USP15: variants seen among roughly 807,000 people sequenced by gnomAD.
USP15 encodes ubiquitin carboxyl-terminal hydrolase 15.
A neutral mutation model predicts 127.1 loss-of-function variants in USP15; 18 were observed. The ratio of observed to expected loss-of-function variants is 0.14; its 90% confidence interval spans 0.10 to 0.21. USP15 has a LOEUF of 0.21. Among genes scored for constraint, USP15 ranks in the 10% least tolerant of loss-of-function variants. The pLI, the probability that USP15 is intolerant of heterozygous loss-of-function variation, is 1.00. For synonymous variants in USP15, 364 were observed against 393.7 expected, an observed-to-expected ratio of 0.92 and a Z score of 0.89; for missense variants, 805 against 1,159.9, an observed-to-expected ratio of 0.69 and a Z score of 4.44.
At chr12:62,326,265 ATTTC>A (rs892975130) in intron 6 of USP15, among the ~76,000 whole-genome samples, 1 of 152,184 alleles carries the variant, frequency 6.6e-6, no homozygotes, top group Non-Finnish European at 1.5e-5. Context: ...ATCTTAAAAT[ATTTC>A]TTTATCAAAA....
rs909424353 is a variant in USP15 at position 62,414,952 on chromosome 12, C to G, written c.*10577C>G. On this transcript the variant is annotated 3_prime_UTR_variant, in exon 22 of 22. Coordinates refer to ENST00000280377, the MANE Select transcript of USP15 (RefSeq NM_001252078.2). The stretch of plus-strand genomic sequence containing the variant: ...TACACATATATGTATAGCTCTCTCC[C>G]TCATATATACACATATCATGTATAT... 3.9e-5 allele frequency: 5 copies of G among 127,178 alleles called. No individual in the cohort carries two copies. Among genetic ancestry groups the G allele is most frequent in the African/African-American group, 1.6e-4 (5 of 30,920 alleles). 7.9% of individuals were successfully genotyped at this position (127,178 alleles called of 1,614,324 possible).
intron 1 of USP15, among the ~76,000 whole-genome samples, chr12:62,278,203 G>A (rs2063547331): frequency 6.6e-6 from 1 of 152,074 alleles, no homozygotes; most frequent in South Asian, 2.1e-4. Flanking sequence ...TGTCCCATTG[G>A]AAGGTCTTCA....
chr12:62,335,706 A>T (rs749192760), intron 6 of USP15: 28 of 985,472 alleles, frequency 2.8e-5, no homozygotes, highest in Non-Finnish European at 3.4e-5. Context: ...TACCATCCTT[A>T]AGCTTTTTTT....
intron 8 of USP15, among the ~76,000 whole-genome samples, chr12:62,372,919 C>T (rs2066719999): frequency 6.6e-6 from 1 of 151,954 alleles, no homozygotes; most frequent in African/African-American, 2.4e-5. Flanking sequence ...TAGCATACTT[C>T]CCATAAAGTG....
At chr12:62,280,621 C>G (rs1199990153) in intron 1 of USP15, among the ~76,000 whole-genome samples, 2 of 152,154 alleles carry the variant, frequency 1.3e-5, no homozygotes, top group African/African-American at 4.8e-5. Context: ...ATGATCTAAT[C>G]ACCTCCTAAT....
chr12:62,309,721 T>A (rs2064599510), intron 3 of USP15, among the ~76,000 whole-genome samples: 2 of 151,984 alleles, frequency 1.3e-5, no homozygotes, highest in African/African-American at 4.8e-5. Context: ...AGGTGGATAT[T>A]TTTCAAAGAA....
chr12:62,283,021 AC>A (rs2063695250), intron 1 of USP15, among the ~76,000 whole-genome samples: 1 of 152,220 alleles, frequency 6.6e-6, no homozygotes, highest in Non-Finnish European at 1.5e-5. Context: ...TTTTAAGAAA[AC>A]TAACGGGAAA....
chr12:62,303,010 ACTTAT>A (rs1592540049), intron 3 of USP15, 90 bp downstream of exon 3: 3 of 1,452,298 alleles, frequency 2.1e-6, no homozygotes, highest in African/African-American at 1.4e-5. Context: ...AAGTTTCATC[ACTTAT>A]CTTAGAGAAA....
In USP15 at chr12:62,406,714, C is replaced by T. The variant is rs2067877831; in HGVS notation, c.*2339C>T. ...GTGGTTCATGCCTGTAATCCCAGCA[C>T]TTTGGGAGACTCAGGCGGGAGGATC... On this transcript the variant is annotated 3_prime_UTR_variant, in exon 22 of 22. Transcript: ENST00000280377. 1 of 152,380 alleles carries T rather than the reference C, an allele frequency of 6.6e-6. No individual in the cohort carries two copies. Among genetic ancestry groups the T allele is most frequent in the South Asian group, 2.1e-4 (1 of 4,834 alleles). The allele number at this position is 152,380 out of a possible 1,614,324, so 9.4% of individuals were successfully genotyped here. A position where few individuals can be genotyped will look rare whatever the true frequency, so the allele number is the denominator to read the frequency against.
chr12:62,396,508 G>A (rs1415631066), intron 20 of USP15, 110 bp downstream of exon 20: 19 of 911,038 alleles, frequency 2.1e-5, no homozygotes, highest in Non-Finnish European at 2.4e-5. Context: ...GATGTGTCTT[G>A]CATATAGTAG....
chr12:62,260,543 A>G (rs375568439), intron 1 of USP15, 40 bp downstream of exon 1: 4 of 1,534,980 alleles, frequency 2.6e-6, no homozygotes, highest in Non-Finnish European at 3.5e-6. Context: ...TTGCCCGAGG[A>G]TAGTGGAGAA....
rs1383286653 is a variant in USP15 at position 62,405,705 on chromosome 12, C to T, written c.*1330C>T. The T allele has an allele frequency of 1.3e-5, 2 of 152,458 alleles. No homozygotes were observed. The highest frequency in any genetic ancestry group is 2.9e-5 in the Non-Finnish European group (2 of 67,968). 9.4% of individuals were successfully genotyped at this position (152,458 alleles called of 1,614,324 possible). A position where few individuals can be genotyped will look rare whatever the true frequency, so the allele number is the denominator to read the frequency against. ...CACATATCGACTACCTGAGAAATTG[C>T]TTTGTGTCCCACTGTTATTAAAGCA... On this transcript the variant is annotated 3_prime_UTR_variant, in exon 22 of 22. Coordinates refer to ENST00000280377, the MANE Select transcript of USP15 (RefSeq NM_001252078.2).
chr12:62,272,671 A>G (rs1193197997), intron 1 of USP15, among the ~76,000 whole-genome samples: 8 of 152,008 alleles, frequency 5.3e-5, no homozygotes, highest in Non-Finnish European at 1.5e-5. Flanking sequence ...TTTTACATTC[A>G]TATAGTAGCT....
At chr12:62,377,511 G>A (rs765026392) in intron 8 of USP15, among the ~76,000 whole-genome samples, 3 of 152,142 alleles carry the variant, frequency 2.0e-5, no homozygotes, top group Admixed American at 6.5e-5. Context: ...CTTGAGGTCA[G>A]GAGTTCAAGA....
chr12:62,326,081 A>G, intron 6 of USP15, 148 bp downstream of exon 6: 2 of 626,370 alleles, frequency 3.2e-6, no homozygotes, highest in Admixed American at 7.1e-5. Flanking sequence ...TTAGTATACA[A>G]GCTATCTAAA....
intron 20 of USP15, among the ~76,000 whole-genome samples, chr12:62,397,516 A>G (rs1230365901): frequency 6.6e-6 from 1 of 151,828 alleles, no homozygotes; most frequent in Non-Finnish European, 1.5e-5. Context: ...TAATGCTTAT[A>G]TTACACTATT....
chr12:62,288,708 G>A (rs939780259), intron 1 of USP15, among the ~76,000 whole-genome samples: 13 of 152,008 alleles, frequency 8.6e-5, no homozygotes, highest in Non-Finnish European at 1.5e-4. Flanking sequence ...TTCTCCATTC[G>A]TATGATATTG....
intron 1 of USP15, among the ~76,000 whole-genome samples, chr12:62,265,473 G>T (rs558969196): frequency 1.1e-4 from 16 of 152,274 alleles, no homozygotes; most frequent in South Asian, 6.2e-4. Flanking sequence ...GGTATAGCTG[G>T]GATTTGAACC....
At chr12:62,285,550 T>G (rs2063762947) in intron 1 of USP15, among the ~76,000 whole-genome samples, 1 of 151,890 alleles carries the variant, frequency 6.6e-6, no homozygotes, top group Non-Finnish European at 1.5e-5. Flanking sequence ...TTAAAGTGTT[T>G]CCTAAGATAA....
Sources: allele counts gnomAD v4.1 joint callset (sites outside exome capture counted in the v4.1 genomes callset), GRCh38; gene constraint gnomAD v4.1.1; transcripts MANE v1.5; gene names NCBI Gene and HGNC (gene_info 2026-07-23, HGNC 2026-07-21).